Variants in CRYM observed in about 807,000 individuals in gnomAD.
CRYM encodes the protein ketimine reductase mu-crystallin.
A neutral mutation model predicts 32.9 loss-of-function variants in CRYM; 18 were observed. The observed-to-expected ratio is 0.55, with a 90% CI of 0.38 to 0.81. The LOEUF (loss-of-function observed/expected upper bound fraction) is 0.81, where lower values mean the gene tolerates loss of function less well. Among genes scored for constraint, CRYM ranks in the 30% least tolerant of loss-of-function variants. CRYM has a pLI of 0.00. For synonymous variants in CRYM, 153 were observed against 152.4 expected (o/e 1.00, Z -0.03); for missense variants, 337 against 393.5 (o/e 0.86, Z 1.21).
At chr16:21,260,186 T>C in intron 7 of CRYM, among the ~76,000 whole-genome samples, 1 of 152,080 alleles carries the variant, frequency 6.6e-6, no homozygotes. Flanking sequence ...GATCACGAAG[T>C]ATGGAAGGTC....
At chr16:21,298,110 A>G (rs769141847) in intron 1 of CRYM, among the ~76,000 whole-genome samples, 3 of 152,226 alleles carry the variant, frequency 2.0e-5, no homozygotes, top group Non-Finnish European at 2.9e-5. Flanking sequence ...GTGTTTGTCC[A>G]GTATTTGCCC....
intron 3 of CRYM, among the ~76,000 whole-genome samples, chr16:21,271,019 C>G (rs2093374342): frequency 6.6e-6 from 1 of 152,174 alleles, no homozygotes; most frequent in Non-Finnish European, 1.5e-5. Context: ...CAGAGGTAGT[C>G]TTATTTGCAC....
chr16:21,261,436 A>T, intron 6 of CRYM, 98 bp from the exon 7 acceptor site: 4 of 702,058 alleles, frequency 5.7e-6, no homozygotes, highest in Non-Finnish European at 9.7e-6. Flanking sequence ...TGGATAAGAG[A>T]TAAATTTGAT....
At chr16:21,266,150 G>T (rs2093363332) in intron 5 of CRYM, among the ~76,000 whole-genome samples, 1 of 152,138 alleles carries the variant, frequency 6.6e-6, no homozygotes, top group South Asian at 2.1e-4. Context: ...ACTTAACATG[G>T]GAGGTGGAGG....
chr16:21,267,581 A>AT lies in CRYM; in HGVS notation c.645dup (p.Trp216MetfsTer17). ...TTGATGTGAGCCCCTGGCTTCACCC[A>AT]TTCACCAAACAAAATGGGCTCTGTT... is the stretch of plus-strand genomic sequence containing the variant. On this transcript the variant is annotated frameshift_variant, in exon 5 of 8. Coordinates refer to ENST00000572914, the MANE Select transcript of CRYM (RefSeq NM_001376256.1). LOFTEE classifies it high-confidence loss of function. The AT allele has an allele frequency of 6.2e-7, 1 of 1,614,056 alleles. No homozygotes were observed. The highest frequency in any genetic ancestry group is 8.5e-7 in the Non-Finnish European group (1 of 1,180,024).
chr16:21,285,310 G>T (rs1019875144), intron 1 of CRYM, among the ~76,000 whole-genome samples: 1 of 152,164 alleles, frequency 6.6e-6, no homozygotes, highest in East Asian at 1.9e-4. Flanking sequence ...TTTTGGATTA[G>T]ACTTTTAAAA....
At chr16:21,290,410 C>T (rs764138991) in intron 1 of CRYM, among the ~76,000 whole-genome samples, 18 of 152,024 alleles carry the variant, frequency 1.2e-4, no homozygotes, top group Non-Finnish European at 2.5e-4. Flanking sequence ...GACCACAAAC[C>T]CACTGGAAGG....
rs77786347 is a variant in CRYM, at chr16:21,291,231, A to G, written c.-193+11747T>C. 6.3e-3 allele frequency among the ~76,000 whole-genome samples: 952 copies of G among 152,244 alleles called. 18 individuals are homozygous for G. The highest frequency in any genetic ancestry group is 0.055 in the East Asian group (285 of 5,186). ...GCTTGATTCATTCCTGCTGGTACCCATTTATAACCTTGGGATGAGCATCAG... is the reference window on the plus strand; with the variant it reads ...GCTTGATTCATTCCTGCTGGTACCCGTTTATAACCTTGGGATGAGCATCAG... On this transcript the variant is annotated intron_variant, in intron 1 of 9. Coordinates refer to the CRYM transcript ENST00000219599.
In CRYM at chr16:21,262,043, C is replaced by A; in HGVS notation, c.789G>T (p.Leu263=). 6.2e-7 allele frequency: 1 copy of A among 1,614,024 alleles called. No homozygotes were observed. The highest frequency in any genetic ancestry group is 1.1e-5 in the South Asian group (1 of 91,074). ...GGGGTCAGAAGGGCCTCACCCCTGA[C>A]AGCAGGACATCTCCAGACTCCTTCA... ...AALKESGDVL[L]SGAEIFAELG... is the part of the protein sequence containing the mutation. The change falls in exon 6 of 8, where the codon CTG becomes CTT. Residue 263 remains leucine, a synonymous_variant. Transcript: ENST00000572914.
At chr16:21,278,322 A>AGC (rs2093391941), upstream of CRYM, 1 of 1,524,524 alleles carries the variant, frequency 6.6e-7, no homozygotes, top group Non-Finnish European at 8.8e-7. Flanking sequence ...GCCCTTTATG[A>AGC]GCGCGCCCGC....
At chr16:21,282,772 G>A, upstream of CRYM, among the ~76,000 whole-genome samples, 1 of 152,142 alleles carries the variant, frequency 6.6e-6, no homozygotes, top group South Asian at 2.1e-4. Context: ...CATCACCCAG[G>A]TCCTCAGTAA....
intron 5 of CRYM, 143 bp downstream of exon 5, chr16:21,267,411 T>C: frequency 1.1e-6 from 1 of 898,118 alleles, no homozygotes; most frequent in Non-Finnish European, 1.8e-6. Flanking sequence ...TATTGTTTTT[T>C]TCAATCTCAC....
intron 1 of CRYM, among the ~76,000 whole-genome samples, chr16:21,288,910 T>TG (rs1228617779): frequency 1.3e-5 from 2 of 152,160 alleles, no homozygotes; most frequent in African/African-American, 4.8e-5. Context: ...GATTTCCTTC[T>TG]GTTACTGATT....
intron 1 of CRYM, among the ~76,000 whole-genome samples, chr16:21,291,467 G>GA (rs764512715): frequency 7.8e-4 from 119 of 152,016 alleles, no homozygotes; most frequent in Non-Finnish European, 1.3e-3. Context: ...TCCTCATTTT[G>GA]AAAAAACTAA....
chr16:21,267,539 A>C lies in CRYM; in HGVS notation c.673+15T>G, dbSNP rs753160367. ...GGCCACCACCCATCATGCCTTATGG[A>C]GCCACTCTACTTACCATTGATGTGA... On this transcript the variant is annotated intron_variant, in intron 5 of 7. Transcript: ENST00000572914. 16 of 1,612,866 alleles carry C rather than the reference A, an allele frequency of 9.9e-6. No individual in the cohort carries two copies. The highest frequency in any genetic ancestry group is 6.7e-5 in the Admixed American group (4 of 59,996).
upstream of CRYM, among the ~76,000 whole-genome samples, chr16:21,280,750 G>A (rs1157942489): frequency 6.6e-6 from 1 of 152,222 alleles, no homozygotes. Flanking sequence ...AGCTAAACAA[G>A]CACTGGCTTG....
At chr16:21,269,764 T>TCTCCCCCCCCCCCCCCCCCCC in intron 4 of CRYM, 26 bp downstream of exon 4, 1 of 971,982 alleles carries the variant, frequency 1.0e-6, no homozygotes, top group Non-Finnish European at 1.6e-6. Flanking sequence ...TTCCCTCTTC[T>TCTCCCCCCCCCCCCCCCCCCC]CTCCCACCCC....
chr16:21,282,963 CTT>C (rs768453286), upstream of CRYM, among the ~76,000 whole-genome samples: 14 of 151,638 alleles, frequency 9.2e-5, no homozygotes, highest in Non-Finnish European at 1.5e-4. Flanking sequence ...ATAATTATGA[CTT>C]AACAGAAAGA....
chr16:21,290,120 A>G (rs1960591929), intron 1 of CRYM, among the ~76,000 whole-genome samples: 2 of 152,100 alleles, frequency 1.3e-5, no homozygotes, highest in African/African-American at 4.8e-5. Flanking sequence ...ATAAGGGAAT[A>G]AAAGCTGGCC....
Sources: allele counts gnomAD v4.1 joint callset (sites outside exome capture counted in the v4.1 genomes callset), GRCh38; gene constraint gnomAD v4.1.1; transcripts MANE v1.5; gene names NCBI Gene and HGNC (gene_info 2026-07-23, HGNC 2026-07-21).